Variants in PPP2R2B observed in about 807,000 individuals in gnomAD.
The protein encoded by PPP2R2B is protein phosphatase 2 regulatory subunit Bbeta.
In PPP2R2B, 5 loss-of-function variants were observed where a neutral mutation model predicts 46.0. That is an observed-to-expected ratio of 0.11 (90% CI 0.06 to 0.23). PPP2R2B has a LOEUF of 0.23. Among genes scored for constraint, PPP2R2B ranks in the 10% least tolerant of loss-of-function variants. PPP2R2B has a pLI of 1.00. For missense variants in PPP2R2B, 367 were observed against 575.0 expected, an observed-to-expected ratio of 0.64 and a Z score of 3.70; for synonymous variants, 215 against 206.7, an observed-to-expected ratio of 1.04 and a Z score of -0.34.
intron 2 of PPP2R2B, among the ~76,000 whole-genome samples, chr5:146,793,918 G>T (rs191201473): frequency 7.2e-4 from 109 of 152,268 alleles, no homozygotes; most frequent in African/African-American, 2.6e-3. Context: ...CCCACACTTA[G>T]TCAAATTCAC....
intron 1 of PPP2R2B, among the ~76,000 whole-genome samples, chr5:146,991,346 A>G (rs776565447): frequency 3.9e-5 from 6 of 152,168 alleles, no homozygotes; most frequent in Non-Finnish European, 8.8e-5. Context: ...AGATAAATGT[A>G]TAAATCTATG....
intron 2 of PPP2R2B, among the ~76,000 whole-genome samples, chr5:146,715,648 G>T (rs1005661857): frequency 3.9e-5 from 6 of 152,146 alleles, no homozygotes; most frequent in African/African-American, 1.4e-4. Context: ...TGGTGGCTCA[G>T]ACAGGATAAA....
chr5:146,708,395 ATG>A (rs1561848485), intron 2 of PPP2R2B, among the ~76,000 whole-genome samples: 3 of 128,192 alleles, frequency 2.3e-5, no homozygotes, highest in East Asian at 2.6e-4. Flanking sequence ...ATATCTATGT[ATG>A]TGTGTGTGTA....
At chr5:146,669,299 G>T (rs1234828665) in intron 5 of PPP2R2B, among the ~76,000 whole-genome samples, 2 of 152,132 alleles carry the variant, frequency 1.3e-5, no homozygotes, top group Non-Finnish European at 2.9e-5. Context: ...ATGGGTCAGA[G>T]GTCCCAGGGA....
chr5:146,753,719 G>C (rs775516691), intron 2 of PPP2R2B, among the ~76,000 whole-genome samples: 2 of 152,146 alleles, frequency 1.3e-5, no homozygotes, highest in Non-Finnish European at 2.9e-5. Flanking sequence ...CCATAGGAAG[G>C]CTCAGCCAGA....
chr5:146,743,865 G>A (rs1002762279), intron 2 of PPP2R2B, among the ~76,000 whole-genome samples: 8 of 152,158 alleles, frequency 5.3e-5, no homozygotes, highest in African/African-American at 1.4e-4. Flanking sequence ...TCCATAGTGG[G>A]TGGTTTACAG....
At chr5:146,815,934 G>T (rs1159296039) in intron 2 of PPP2R2B, among the ~76,000 whole-genome samples, 1 of 152,092 alleles carries the variant, frequency 6.6e-6, no homozygotes, top group Non-Finnish European at 1.5e-5. Flanking sequence ...AAAACAAATT[G>T]ACTTCTTTTC....
At chr5:146,595,428 A>G (rs927315228) in intron 8 of PPP2R2B, among the ~76,000 whole-genome samples, 59 of 152,330 alleles carry the variant, frequency 3.9e-4, no homozygotes, top group African/African-American at 1.4e-3. Context: ...ACTCACCTGC[A>G]GTGTTTCTAT....
intron 1 of PPP2R2B, among the ~76,000 whole-genome samples, chr5:146,934,321 C>T (rs11744888): frequency 6.6e-6 from 1 of 151,370 alleles, no homozygotes; most frequent in Non-Finnish European, 1.5e-5. Context: ...GTTCCTATTT[C>T]TCCACATCCT....
chr5:146,807,113 G>A (rs1757224225), intron 2 of PPP2R2B, among the ~76,000 whole-genome samples: 1 of 152,196 alleles, frequency 6.6e-6, no homozygotes, highest in South Asian at 2.1e-4. Context: ...CAGACCAACT[G>A]AATCTGAACT....
intron 2 of PPP2R2B, among the ~76,000 whole-genome samples, chr5:146,786,386 ACAGT>A (rs1486788112): frequency 2.0e-5 from 3 of 152,102 alleles, no homozygotes; most frequent in Non-Finnish European, 2.9e-5. Flanking sequence ...GCTCCTGGAG[ACAGT>A]CAGCCAGGTG....
At chr5:146,812,495 CTGTATATA>C (rs1757616649) in intron 2 of PPP2R2B, among the ~76,000 whole-genome samples, 1 of 24,018 alleles carries the variant, frequency 4.2e-5, no homozygotes, top group Non-Finnish European at 1.1e-4. Flanking sequence ...TATATATATA[CTGTATATA>C]TATACAGTAT....
chr5:146,831,164 C>T (rs1448931533), intron 2 of PPP2R2B, among the ~76,000 whole-genome samples: 1 of 152,008 alleles, frequency 6.6e-6, no homozygotes, highest in Non-Finnish European at 1.5e-5. Context: ...TCAGAGTGTA[C>T]TCCTTCTGCT....
intron 1 of PPP2R2B, among the ~76,000 whole-genome samples, chr5:147,051,163 A>C (rs1316866233): frequency 6.6e-6 from 1 of 152,196 alleles, no homozygotes; most frequent in Non-Finnish European, 1.5e-5. Context: ...CTCAGAAGGA[A>C]ATGTGCAGTG....
chr5:147,040,101 C>T (rs996813001), intron 1 of PPP2R2B, among the ~76,000 whole-genome samples: 42 of 152,148 alleles, frequency 2.8e-4, no homozygotes, highest in African/African-American at 9.7e-4. Context: ...AGATGCCTTT[C>T]TTCTTCCATG....
intron 2 of PPP2R2B, among the ~76,000 whole-genome samples, chr5:146,791,895 C>T (rs1242644326): frequency 6.6e-6 from 1 of 152,174 alleles, no homozygotes; most frequent in African/African-American, 2.4e-5. Context: ...GTGCTGATTC[C>T]TCCCGCCACA....
At chr5:146,807,829 T>G (rs1472822262) in intron 2 of PPP2R2B, among the ~76,000 whole-genome samples, 1 of 139,134 alleles carries the variant, frequency 7.2e-6, no homozygotes, top group Non-Finnish European at 1.5e-5. Flanking sequence ...AAGACAGTTT[T>G]GCTCTTGTTG....
Position 146,738,374 on chromosome 5 carries a change from C to A in PPP2R2B, c.71-37232G>T, listed in dbSNP as rs190242499. On this transcript the variant is annotated intron_variant, in intron 2 of 9. Transcript: ENST00000394411. ...TCATGCCACTGCACTCCAGCCTGGGCGACAAAGTGAGACTCAGTCTCAAAA... is the reference window on the plus strand; with the variant it reads ...TCATGCCACTGCACTCCAGCCTGGGAGACAAAGTGAGACTCAGTCTCAAAA... 6.4e-5 allele frequency among the ~76,000 whole-genome samples: 8 copies of A among 125,972 alleles called. 1 individual carries two copies. The East Asian group carries it at 1.6e-3, about 25-fold the overall frequency. 82.6% of individuals were successfully genotyped at this position (125,972 alleles called of 152,430 possible). A position where few individuals can be genotyped will look rare whatever the true frequency, so the allele number is the denominator to read the frequency against.
intron 2 of PPP2R2B, among the ~76,000 whole-genome samples, chr5:146,737,113 T>C (rs930582676): frequency 6.6e-6 from 1 of 152,222 alleles, no homozygotes; most frequent in Non-Finnish European, 1.5e-5. Flanking sequence ...ATTTCATACT[T>C]ACAGCACATC....
Sources: allele counts gnomAD v4.1 joint callset (sites outside exome capture counted in the v4.1 genomes callset), GRCh38; gene constraint gnomAD v4.1.1; transcripts MANE v1.5; gene names NCBI Gene and HGNC (gene_info 2026-07-23, HGNC 2026-07-21).